TIPARP: variants seen among roughly 807,000 people sequenced by gnomAD.
TIPARP encodes protein mono-ADP-ribosyltransferase TIPARP.
In TIPARP, 12 loss-of-function variants were observed where a neutral mutation model predicts 56.5. The ratio of observed to expected loss-of-function variants is 0.21; its 90% CI spans 0.14 to 0.34. The LOEUF (loss-of-function observed/expected upper bound fraction) is 0.34. Ranked by LOEUF, TIPARP falls within the 10% of genes least tolerant of loss-of-function variation. The pLI is 1.00. For synonymous variants in TIPARP, 296 were observed against 265.7 expected (o/e 1.11, Z -1.11); for missense variants, 604 against 781.6 (o/e 0.77, Z 2.71).
chr3:156,691,597 T>G (rs891398773), intron 2 of TIPARP, among the ~76,000 whole-genome samples: 1 of 152,146 alleles, frequency 6.6e-6, no homozygotes, highest in Non-Finnish European at 1.5e-5. Context: ...TAAAGAAGAA[T>G]GTGGTGGCTG....
chr3:156,678,828 A>G (rs1207240237), intron 2 of TIPARP, among the ~76,000 whole-genome samples: 1 of 152,226 alleles, frequency 6.6e-6, no homozygotes, highest in African/African-American at 2.4e-5. Flanking sequence ...TGAACAATTC[A>G]TATGTCAGTT....
At chr3:156,690,268 A>G (rs185598212) in intron 2 of TIPARP, among the ~76,000 whole-genome samples, 92 of 152,068 alleles carry the variant, frequency 6.0e-4, no homozygotes, top group African/African-American at 2.0e-3. Context: ...TTGCATTCCA[A>G]CTGTTTATTA....
chr3:156,702,535 A>G (rs1442747594), intron 4 of TIPARP, among the ~76,000 whole-genome samples: 1 of 152,208 alleles, frequency 6.6e-6, no homozygotes, highest in African/African-American at 2.4e-5. Flanking sequence ...TTTGGCACAC[A>G]TTATTACTTC....
chr3:156,680,663 GATC>G (rs1261248609), intron 2 of TIPARP, among the ~76,000 whole-genome samples: 4 of 152,290 alleles, frequency 2.6e-5, no homozygotes, highest in Admixed American at 2.0e-4. Flanking sequence ...TAATCATTTT[GATC>G]CCAGAAAATC....
At chr3:156,695,826 C>CTTTTTTTTGTTTTT in intron 3 of TIPARP, 39 bp from the exon 4 acceptor site, 1 of 1,030,334 alleles carries the variant, frequency 9.7e-7, no homozygotes, top group Non-Finnish European at 1.2e-6. Flanking sequence ...ATTAACTTTC[C>CTTTTTTTTGTTTTT]TTTTTTTTTT....
intron 1 of TIPARP, among the ~76,000 whole-genome samples, chr3:156,677,037 A>G (rs970855235): frequency 2.0e-5 from 3 of 152,180 alleles, no homozygotes; most frequent in Non-Finnish European, 2.9e-5. Flanking sequence ...GACTCTTAAC[A>G]TTCTTGGATA....
At chr3:156,684,007 A>G (rs1240984544) in intron 2 of TIPARP, among the ~76,000 whole-genome samples, 1 of 152,242 alleles carries the variant, frequency 6.6e-6, no homozygotes, top group Non-Finnish European at 1.5e-5. Flanking sequence ...TTTAATAATT[A>G]TCAGTCTCCA....
At chr3:156,675,375 T>C (rs1722094846) in intron 1 of TIPARP, 1 of 152,236 alleles carries the variant, frequency 6.6e-6, no homozygotes, top group Non-Finnish European at 1.5e-5. Context: ...CAAGACCCGT[T>C]GGACGCTCCT....
intron 2 of TIPARP, among the ~76,000 whole-genome samples, chr3:156,686,004 C>T (rs1455049480): frequency 6.6e-6 from 1 of 152,140 alleles, no homozygotes; most frequent in Non-Finnish European, 1.5e-5. Flanking sequence ...TCTTTCATTA[C>T]CAGGCATTTA....
chr3:156,676,598 A>G (rs1051583111), intron 1 of TIPARP: 1 of 152,234 alleles, frequency 6.6e-6, no homozygotes, highest in Non-Finnish European at 1.5e-5. Flanking sequence ...TGATTAAGTC[A>G]TGGGACCTTG....
chr3:156,703,017 A>G (rs1722889732), intron 4 of TIPARP, among the ~76,000 whole-genome samples: 1 of 152,148 alleles, frequency 6.6e-6, no homozygotes. Flanking sequence ...TTTGTCTCCC[A>G]CCCACACATC....
Position 156,705,199 on chromosome 3 carries a change from G to T in TIPARP, c.*68G>T. 9 of 783,600 alleles carry T rather than the reference G, an allele frequency of 1.1e-5. No individual in the cohort carries two copies. The highest frequency in any genetic ancestry group is 3.5e-5 in the East Asian group (1 of 28,248). 48.5% of individuals were successfully genotyped at this position (783,600 alleles called of 1,614,324 possible). A position where few individuals can be genotyped will look rare whatever the true frequency, so the allele number is the denominator to read the frequency against. Reference sequence around the variant, plus strand: ...AGCATTTGTAGCAGGTTTTGAATGGGTGGGACTGGGTGGGGAACAGCATTG... The same window carrying T: ...AGCATTTGTAGCAGGTTTTGAATGGTTGGGACTGGGTGGGGAACAGCATTG... On this transcript the variant is annotated 3_prime_UTR_variant, in exon 6 of 6. Transcript: ENST00000295924.
At chr3:156,690,651 C>T (rs550088428) in intron 2 of TIPARP, among the ~76,000 whole-genome samples, 38 of 152,242 alleles carry the variant, frequency 2.5e-4, no homozygotes, top group African/African-American at 8.7e-4. Flanking sequence ...AGTCTGTTCA[C>T]AAGGTTTTGT....
intron 2 of TIPARP, among the ~76,000 whole-genome samples, chr3:156,680,213 G>GTATT (rs1722259866): frequency 1.3e-5 from 2 of 152,034 alleles, no homozygotes; most frequent in South Asian, 4.1e-4. Context: ...GACTATAAAT[G>GTATT]TATTATCTTG....
chr3:156,677,319 T>C (rs1722156912), intron 1 of TIPARP, among the ~76,000 whole-genome samples: 1 of 152,188 alleles, frequency 6.6e-6, no homozygotes, highest in Non-Finnish European at 1.5e-5. Context: ...TAGATACAGT[T>C]ATTTCTACCT....
At chr3:156,701,475 C>G (rs1722842781) in intron 4 of TIPARP, among the ~76,000 whole-genome samples, 1 of 152,104 alleles carries the variant, frequency 6.6e-6, no homozygotes, top group Admixed American at 6.5e-5. Flanking sequence ...AATAGAAAAC[C>G]TGGTGGGCTG....
intron 3 of TIPARP, among the ~76,000 whole-genome samples, chr3:156,695,472 GC>G (rs1722689483): frequency 1.3e-5 from 2 of 151,976 alleles, no homozygotes; most frequent in African/African-American, 4.8e-5. Flanking sequence ...TCCTTTCTCT[GC>G]CTCCCAAAGC....
At chr3:156,704,645 T>C in intron 5 of TIPARP, 39 bp from the exon 6 acceptor site, 4 of 1,578,754 alleles carry the variant, frequency 2.5e-6, no homozygotes, top group Non-Finnish European at 3.4e-6. Context: ...TTGACCTGTA[T>C]TTCATCCTTC....
In TIPARP at chr3:156,680,745, A is replaced by G. The variant is rs149638159; in HGVS notation, c.917+2131A>G. On this transcript the variant is annotated intron_variant, in intron 2 of 5. Coordinates refer to ENST00000295924, the MANE Select transcript of TIPARP (RefSeq NM_015508.5). ...TGGTAAGATTGTTTTGCTTAAGAAT[A>G]GACATAGATATAGGCCCATAAGCCT... Among the ~76,000 whole-genome samples the G allele has an allele frequency of 4.1e-4, 62 of 152,334 alleles. No homozygotes were observed. The East Asian group carries it at 0.012, about 28-fold the overall frequency.
Sources: gnomAD v4.1 joint callset for allele counts (sites outside exome capture counted in the v4.1 genomes callset) on GRCh38, gnomAD v4.1.1 for gene constraint, MANE v1.5 for transcripts, NCBI Gene and HGNC (gene_info 2026-07-23, HGNC 2026-07-21) for gene names.